The following MASP2 variants were observed in gnomAD, a reference collection of about 807,000 sequenced individuals.
MASP2 encodes the protein mannan-binding lectin serine protease 2.
A neutral mutation model predicts 57.1 loss-of-function variants in MASP2; 49 were observed. The ratio of observed to expected loss-of-function variants is 0.86; its 90% CI spans 0.68 to 1.09. The LOEUF (loss-of-function observed/expected upper bound fraction) is 1.09, where lower values mean the gene tolerates loss of function less well. Ranked by LOEUF, MASP2 falls within the 50% of genes least tolerant of loss-of-function variation. The probability of loss-of-function intolerance (pLI) is 0.00; values close to 1 mark genes in which losing one functional copy is unlikely to be tolerated. For missense variants in MASP2, 900 were observed against 874.8 expected, an observed-to-expected ratio of 1.03 and a Z score of -0.36; for synonymous variants, 379 against 340.8, an observed-to-expected ratio of 1.11 and a Z score of -1.24.
chr1:11,037,475 A>G (rs1638277803), intron 7 of MASP2, among the ~76,000 whole-genome samples: 1 of 152,048 alleles, frequency 6.6e-6, no homozygotes, highest in Non-Finnish European at 1.5e-5. Context: ...GTATAAAGAA[A>G]GAAAGAAAAA....
chr1:11,045,670 C>G (rs1638616870), intron 3 of MASP2, 131 bp from the exon 4 acceptor site: 6 of 1,056,058 alleles, frequency 5.7e-6, no homozygotes, highest in Non-Finnish European at 8.0e-6. Flanking sequence ...GGGTGCGGGA[C>G]TGGTGCCGGG....
At chr1:11,033,965 ACTCT>A (rs796583650) in intron 8 of MASP2, among the ~76,000 whole-genome samples, 182 of 15,390 alleles carry the variant, frequency 0.012, 2 homozygotes, top group Middle Eastern at 0.067. Flanking sequence ...ACACACACAC[ACTCT>A]CTCTCTCTCT....
rs574208260 is a variant in MASP2 at position 11,031,852 on chromosome 1, G to A, written c.1088-970C>T. Among the ~76,000 whole-genome samples, 7 of 152,262 alleles carry A rather than the reference G, an allele frequency of 4.6e-5. No homozygotes were observed. In the South Asian group the frequency reaches 8.3e-4, roughly 18 times the overall value. On this transcript the variant is annotated intron_variant, in intron 8 of 10. Coordinates refer to ENST00000400897, the MANE Select transcript of MASP2 (RefSeq NM_006610.4). ...GGCTTGAGCCTGGGAGGATGAGGCC[G>A]CAGTGAGCTATGATCACACCACTGC...
intron 10 of MASP2, among the ~76,000 whole-genome samples, chr1:11,028,529 A>G (rs901602464): frequency 4.6e-5 from 7 of 152,084 alleles, no homozygotes; most frequent in Admixed American, 1.3e-4. Context: ...GTTTTATTGT[A>G]TCTTTATTGC....
rs1643876503 is a variant in MASP2 at position 11,034,907 on chromosome 1, C to G, written c.1009-1G>C. 6.2e-7 allele frequency: 1 copy of G among 1,605,772 alleles called. No individual in the cohort carries two copies. The highest frequency in any genetic ancestry group is 1.3e-5 in the African/African-American group (1 of 74,614). ...TAAAGGATTTCAGGGGCAAGTGACC[C>G]TAAAGAAGAATTCAGAATATATTAA... On this transcript the variant is annotated splice_acceptor_variant, in intron 7 of 10. Transcript: ENST00000400897. LOFTEE classifies it high-confidence loss of function.
chr1:11,031,143 C>T (rs1051703466), intron 8 of MASP2, among the ~76,000 whole-genome samples: 2 of 151,952 alleles, frequency 1.3e-5, no homozygotes, highest in Non-Finnish European at 2.9e-5. Flanking sequence ...GGGAGTCGTC[C>T]ATGTGGAGGA....
At chr1:11,044,762 C>CCCCAA in intron 4 of MASP2, 1 of 832,040 alleles carries the variant, frequency 1.2e-6, no homozygotes, top group Non-Finnish European at 1.8e-6. Flanking sequence ...CCCGCCGCCT[C>CCCCAA]CCGACCCTCC....
At chr1:11,028,257 G>C (rs1297526084) in intron 10 of MASP2, among the ~76,000 whole-genome samples, 1 of 152,058 alleles carries the variant, frequency 6.6e-6, no homozygotes, top group African/African-American at 2.4e-5. Flanking sequence ...AGGGCAAGCA[G>C]GCATTGTCTG....
At chr1:11,040,850 ATGGG>A (rs1457411669) in intron 6 of MASP2, among the ~76,000 whole-genome samples, 15 of 147,968 alleles carry the variant, frequency 1.0e-4, no homozygotes, top group Admixed American at 4.0e-4. Flanking sequence ...GACTGGGAGA[ATGGG>A]TGGGTGGATG....
At position 11,026,704 on chromosome 1, in the gene MASP2, A is replaced by G; in HGVS notation, c.*181T>C. 1 of 452,784 alleles carries G rather than the reference A, an allele frequency of 2.2e-6. No homozygotes were observed. The highest frequency in any genetic ancestry group is 3.8e-6 in the Non-Finnish European group (1 of 264,616). The allele number at this position is 452,784 out of a possible 1,614,324, so 28.0% of individuals were successfully genotyped here. Reference sequence around the variant, plus strand: ...TTTATGTCCCCTTGAGTCAATGGGTAAGGCTGGAATTAAACTGGCAAGTGG... The same window carrying G: ...TTTATGTCCCCTTGAGTCAATGGGTGAGGCTGGAATTAAACTGGCAAGTGG... On this transcript the variant is annotated 3_prime_UTR_variant, in exon 11 of 11. Transcript: ENST00000400897.
At position 11,045,541 on chromosome 1, in the gene MASP2, TG is replaced by T; in HGVS notation, c.413-3del. ...GGGCCACCTGGCACTCGTCAATGTC[TG>T]GGGGAGAGGCAGGGCCAGGCAGGCC... On this transcript the variant is annotated splice_polypyrimidine_tract_variant and splice_region_variant and intron_variant, in intron 3 of 10. Coordinates refer to ENST00000400897, the MANE Select transcript of MASP2 (RefSeq NM_006610.4). 6.2e-7 allele frequency: 1 copy of T among 1,603,368 alleles called. No individual in the cohort carries two copies.
At chr1:11,041,365 A>G (rs1638426469) in intron 6 of MASP2, among the ~76,000 whole-genome samples, 1 of 130,546 alleles carries the variant, frequency 7.7e-6, no homozygotes, top group African/African-American at 3.1e-5. Context: ...GGTGTCTGGA[A>G]GAATTGGCAG....
At position 11,026,785 on chromosome 1, in the gene MASP2, C is replaced by T; in HGVS notation, c.*100G>A. ...TTTTTTTGGGTGGAGCAACAACTGC[C>T]ATGTCCACAGTAATGATGAATGCTT... On this transcript the variant is annotated 3_prime_UTR_variant, in exon 11 of 11. Coordinates refer to ENST00000400897, the MANE Select transcript of MASP2 (RefSeq NM_006610.4). 9.9e-7 allele frequency: 1 copy of T among 1,013,864 alleles called. No individual in the cohort carries two copies. The allele number at this position is 1,013,864 out of a possible 1,614,324, so 62.8% of individuals were successfully genotyped here.
chr1:11,030,653 G>T, intron 9 of MASP2, 95 bp downstream of exon 9: 1 of 1,374,428 alleles, frequency 7.3e-7, no homozygotes, highest in Non-Finnish European at 9.8e-7. Flanking sequence ...CTTTTGTCTA[G>T]CCTTAGCCAA....
At chr1:11,038,392 G>A (rs1206232138) in intron 6 of MASP2, among the ~76,000 whole-genome samples, 2 of 152,158 alleles carry the variant, frequency 1.3e-5, no homozygotes, top group African/African-American at 4.8e-5. Flanking sequence ...CAGCTGTTAT[G>A]GCATGGGGAG....
chr1:11,043,334 C>T lies in MASP2; in HGVS notation c.741+5G>A. The stretch of plus-strand genomic sequence containing the variant: ...GGGACAAGATGAGGGGCCCAGGAGC[C>T]AGACCTTGAGAAAGTCGTAGGGACA... On this transcript the variant is annotated splice_donor_5th_base_variant and intron_variant, in intron 5 of 10. Transcript: ENST00000400897. The T allele has an allele frequency of 1.9e-6, 3 of 1,601,586 alleles. No individual in the cohort carries two copies. Among genetic ancestry groups the T allele is most frequent in the Non-Finnish European group, 2.6e-6 (3 of 1,174,018 alleles).
chr1:11,042,055 T>C (rs1638471035), intron 6 of MASP2, among the ~76,000 whole-genome samples: 1 of 148,822 alleles, frequency 6.7e-6, no homozygotes. Context: ...GCTGGCAGGA[T>C]GAGTGGATGG....
rs565567376 is a variant in MASP2, at chr1:11,037,789, C to A, written c.912G>T (p.Met304Ile). ...GTGAAACGTGGCCATTAGGTGGCGCCATCGGATAAGGGCAAGGCTGCGCTG... is the reference window on the plus strand; with the variant it reads ...GTGAAACGTGGCCATTAGGTGGCGCAATCGGATAAGGGCAAGGCTGCGCTG... ...TSTAQPCPYP[M>I]APPNGHVSPV... Residue 304 changes from methionine (M) to isoleucine (I), a missense_variant, in exon 7 of 11, where the codon ATG (methionine) becomes ATT (isoleucine). Coordinates refer to ENST00000400897, the MANE Select transcript of MASP2 (RefSeq NM_006610.4). 3 of 1,612,542 alleles carry A rather than the reference C, an allele frequency of 1.9e-6. No individual in the cohort carries two copies. The South Asian group carries it at 3.3e-5, about 18-fold the overall frequency.
In MASP2 at chr1:11,046,598, C is replaced by G; in HGVS notation, c.370G>C (p.Glu124Gln). 5 of 1,613,824 alleles carry G rather than the reference C, an allele frequency of 3.1e-6. No individual in the cohort carries two copies. Among genetic ancestry groups the G allele is most frequent in the Non-Finnish European group, 4.2e-6 (5 of 1,180,012 alleles). The change falls in exon 3 of 11, where the codon GAG becomes CAG. Residue 124 changes from glutamate to glutamine, a missense_variant. Coordinates refer to ENST00000400897, the MANE Select transcript of MASP2 (RefSeq NM_006610.4). ...DITFRSDYSN[E>Q]KPFTGFEAFY... ...GCCTCGAACCCCGTGAACGGCTTCT[C>G]GTTGGAGTAGTCGGAGCGGAAGGTA...
Sources: gnomAD v4.1 joint callset for allele counts (sites outside exome capture counted in the v4.1 genomes callset) on GRCh38, gnomAD v4.1.1 for gene constraint, MANE v1.5 for transcripts, NCBI Gene and HGNC (gene_info 2026-07-23, HGNC 2026-07-21) for gene names.